Variants in LEFTY2 observed in about 807,000 individuals in gnomAD.
The protein encoded by LEFTY2 is left-right determination factor 2, also known as TGF-beta-4.
LEFTY2 carries 10 observed loss-of-function variants against 26.4 expected under a neutral mutation model. That is an observed-to-expected ratio of 0.38 (90% CI 0.23 to 0.64). The LOEUF (loss-of-function observed/expected upper bound fraction) is 0.64, where lower values mean the gene tolerates loss of function less well. Ranked by LOEUF, LEFTY2 falls within the 30% of genes least tolerant of loss-of-function variation. The pLI, the probability that LEFTY2 is intolerant of heterozygous loss-of-function variation, is 0.56. For missense variants in LEFTY2, 407 were observed against 502.1 expected (o/e 0.81, Z 1.81); for synonymous variants, 204 against 234.1 (o/e 0.87, Z 1.17).
At chr1:225,940,252 A>T (rs1163745839) in intron 1 of LEFTY2, among the ~76,000 whole-genome samples, 2 of 150,460 alleles carry the variant, frequency 1.3e-5, no homozygotes, top group African/African-American at 4.8e-5. Context: ...CAGAATCCTC[A>T]CCCAGGTGCC....
In LEFTY2 at chr1:225,939,689, C is replaced by T. The variant is rs146882318; in HGVS notation, c.497+67G>A. 2 of 1,609,370 alleles carry T rather than the reference C, an allele frequency of 1.2e-6. No homozygotes were observed. The highest frequency in any genetic ancestry group is 1.7e-5 in the Admixed American group (1 of 59,798). The stretch of plus-strand genomic sequence containing the variant: ...CCCGAGGACCCTGCACCGCCCCCTG[C>T]GTCCCCGCCCCCAAGCCGGGCCGAG... On this transcript the variant is annotated intron_variant, in intron 2 of 3. Coordinates refer to ENST00000366820, the MANE Select transcript of LEFTY2 (RefSeq NM_003240.5). This position sits in a 1 kb window ranked among gnomAD's most constrained non-coding sequence, Gnocchi z 4.1.
intron 3 of LEFTY2, 127 bp from the exon 4 acceptor site, chr1:225,937,931 G>A: frequency 1.6e-6 from 2 of 1,241,336 alleles, no homozygotes; most frequent in Non-Finnish European, 2.2e-6. Context: ...TCTAAAAGCT[G>A]GATATTTGTG....
Position 225,937,225 on chromosome 1 carries a change from A to G in LEFTY2, c.*216T>C. 3.0e-6 allele frequency: 2 copies of G among 662,378 alleles called. No homozygotes were observed. Among genetic ancestry groups the G allele is most frequent in the South Asian group, 3.8e-5 (2 of 53,008 alleles). 41.0% of individuals were successfully genotyped at this position (662,378 alleles called of 1,614,324 possible). On this transcript the variant is annotated 3_prime_UTR_variant, in exon 4 of 4. Coordinates refer to ENST00000366820, the MANE Select transcript of LEFTY2 (RefSeq NM_003240.5). Reference sequence around the variant, plus strand: ...TGTAATCAGCATGCCAGCATTTCCTACTAGAGCTCAGCATCTGAGCTGCAT... The same window carrying G: ...TGTAATCAGCATGCCAGCATTTCCTGCTAGAGCTCAGCATCTGAGCTGCAT...
chr1:225,939,812 G>C lies in LEFTY2; in HGVS notation c.441C>G (p.Val147=), dbSNP rs770118660. ...CGTCGTCGCGGACGCGCAGCCACTC[G>C]ACGGTCACCCGGGCCTGGGCGCTGC... ...SPRSAQARVT[V]EWLRVRDDGS... The change falls in exon 2 of 4, where the codon GTC becomes GTG. Residue 147 remains valine, a synonymous_variant. Transcript: ENST00000366820. This position sits in a 1 kb window ranked among gnomAD's most constrained non-coding sequence, Gnocchi z 4.1. 1.9e-6 allele frequency: 3 copies of C among 1,557,188 alleles called. No homozygotes were observed. The Admixed American group carries it at 5.7e-5, about 30-fold the overall frequency.
In LEFTY2 at chr1:225,937,347, A is replaced by T. The variant is rs1008176610; in HGVS notation, c.*94T>A. On this transcript the variant is annotated 3_prime_UTR_variant, in exon 4 of 4. Coordinates refer to ENST00000366820, the MANE Select transcript of LEFTY2 (RefSeq NM_003240.5). Reference sequence around the variant, plus strand: ...GGTCACACAGGAGCACTAAATTGGGATGGAGTAACTTGCTAAGTATAAAGT... The same window carrying T: ...GGTCACACAGGAGCACTAAATTGGGTTGGAGTAACTTGCTAAGTATAAAGT... The T allele has an allele frequency of 6.3e-7, 1 of 1,594,156 alleles. No individual in the cohort carries two copies. Among genetic ancestry groups the T allele is most frequent in the Non-Finnish European group, 8.5e-7 (1 of 1,171,026 alleles).
At chr1:225,940,810 G>A (rs1345841118) in intron 1 of LEFTY2, 81 bp downstream of exon 1, 3 of 1,598,710 alleles carry the variant, frequency 1.9e-6, no homozygotes, top group South Asian at 2.2e-5. Context: ...AAGGCCAGGG[G>A]CCCTTCGACA....
rs138576556 is a variant in LEFTY2 at position 225,940,144 on chromosome 1, T to C, written c.251-142A>G. On this transcript the variant is annotated intron_variant, in intron 1 of 3. Coordinates refer to ENST00000366820, the MANE Select transcript of LEFTY2 (RefSeq NM_003240.5). Reference sequence around the variant, plus strand: ...GGCAAACCCAGTTTACAAATCTTCCTTGGATCTGGGCCTTGTTTAGTAACA... The same window carrying C: ...GGCAAACCCAGTTTACAAATCTTCCCTGGATCTGGGCCTTGTTTAGTAACA... 3.8e-3 allele frequency: 5,113 copies of C among 1,355,968 alleles called. 9 individuals carry two copies. The East Asian group carries it at 0.079, about 21-fold the overall frequency. The allele number at this position is 1,355,968 out of a possible 1,614,324, so 84.0% of individuals were successfully genotyped here.
At chr1:225,938,671 C>T (rs1237533889) in intron 3 of LEFTY2, among the ~76,000 whole-genome samples, 1 of 150,274 alleles carries the variant, frequency 6.7e-6, no homozygotes, top group Non-Finnish European at 1.5e-5. Flanking sequence ...TTTTTTTTGT[C>T]GTTTCTTTAA....
Position 225,941,099 on chromosome 1 carries a change from G to C in LEFTY2, c.42C>G (p.Pro14=). The C allele has an allele frequency of 6.3e-7, 1 of 1,590,714 alleles. No homozygotes were observed. The highest frequency in any genetic ancestry group is 8.6e-7 in the Non-Finnish European group (1 of 1,169,266). ...LWLCWALWVL[P]LAGPGAALTE... is the part of the protein sequence containing the mutation. Reference sequence around the variant, plus strand: ...TCAGGGCCGCCCCGGGGCCAGCCAGGGGCAGCACCCAGAGTGCCCAGCAGA... The same window carrying C: ...TCAGGGCCGCCCCGGGGCCAGCCAGCGGCAGCACCCAGAGTGCCCAGCAGA... Residue 14 remains proline (P), a synonymous_variant, in exon 1 of 4, where the codon CCC becomes CCG. Coordinates refer to ENST00000366820, the MANE Select transcript of LEFTY2 (RefSeq NM_003240.5).
At position 225,939,570 on chromosome 1, in the gene LEFTY2, C is replaced by T; in HGVS notation, c.528G>A (p.Lys176=). 6.2e-7 allele frequency: 1 copy of T among 1,612,398 alleles called. No individual in the cohort carries two copies. The highest frequency in any genetic ancestry group is 8.5e-7 in the Non-Finnish European group (1 of 1,179,832). ...RLVSVHESGW[K]AFDVTEAVNF... ...TCACGGCCTCGGTCACGTCGAAGGC[C>T]TTCCAGCCGCTCTCGTGGACGGACA... Residue 176 remains lysine, a synonymous_variant, in exon 3 of 4, where the codon AAG becomes AAA. Coordinates refer to ENST00000366820, the MANE Select transcript of LEFTY2 (RefSeq NM_003240.5). The surrounding 1 kb of genome is among the most constrained non-coding windows in gnomAD (Gnocchi z 4.1).
Position 225,936,969 on chromosome 1 carries a change from C to T in LEFTY2, c.*472G>A, listed in dbSNP as rs1217473681. 1 of 196,174 alleles carries T rather than the reference C, an allele frequency of 5.1e-6. No homozygotes were observed. The highest frequency in any genetic ancestry group is 1.1e-5 in the Non-Finnish European group (1 of 94,516). 12.2% of individuals were successfully genotyped at this position (196,174 alleles called of 1,614,324 possible). On this transcript the variant is annotated 3_prime_UTR_variant, in exon 4 of 4. Transcript: ENST00000366820. The stretch of plus-strand genomic sequence containing the variant: ...CAGCCTGAAGCCCTTCATCCTTCCT[C>T]TTAGCACCCTCTCAGGGGAACAGGG...
At position 225,937,275 on chromosome 1, in the gene LEFTY2, A is replaced by T; in HGVS notation, c.*166T>A. On this transcript the variant is annotated 3_prime_UTR_variant, in exon 4 of 4. Transcript: ENST00000366820. ...TTATTTACTCACGTAAGTGCTTAGG[A>T]TGGGTGATGGACGGGAAAGACAGGA... 9.4e-7 allele frequency: 1 copy of T among 1,058,580 alleles called. No homozygotes were observed. The highest frequency in any genetic ancestry group is 1.4e-6 in the Non-Finnish European group (1 of 713,502). 65.6% of individuals were successfully genotyped at this position (1,058,580 alleles called of 1,614,324 possible).
intron 1 of LEFTY2, 106 bp downstream of exon 1, chr1:225,940,785 C>T (rs771686336): frequency 5.2e-6 from 8 of 1,551,666 alleles, no homozygotes; most frequent in Non-Finnish European, 7.0e-6. Context: ...CACACAGCCT[C>T]CCACAGAGTC....
At chr1:225,940,406 T>C (rs1292895668) in intron 1 of LEFTY2, among the ~76,000 whole-genome samples, 1 of 152,172 alleles carries the variant, frequency 6.6e-6, no homozygotes, top group East Asian at 1.9e-4. Context: ...CACGCTTCTA[T>C]CCACAAGGAC....
At chr1:225,938,867 T>C (rs1159191128) in intron 3 of LEFTY2, among the ~76,000 whole-genome samples, 23 of 1,990 alleles carry the variant, frequency 0.012, no homozygotes, top group South Asian at 0.071. Context: ...CTTTGTTTCC[T>C]TTTTTTTTTT....
rs1192622801 is a variant in LEFTY2 at position 225,937,011 on chromosome 1, A to C, written c.*430T>G. Reference sequence around the variant, plus strand: ...GGAACAGGGGCCTAGGTATGTTTACAAAAGTCCAGAATGGGTCAGTATTTG... The same window carrying C: ...GGAACAGGGGCCTAGGTATGTTTACCAAAGTCCAGAATGGGTCAGTATTTG... On this transcript the variant is annotated 3_prime_UTR_variant, in exon 4 of 4. Coordinates refer to ENST00000366820, the MANE Select transcript of LEFTY2 (RefSeq NM_003240.5). 2.0e-5 allele frequency: 5 copies of C among 252,308 alleles called. No homozygotes were observed. Among genetic ancestry groups the C allele is most frequent in the Non-Finnish European group, 2.3e-5 (3 of 128,542 alleles). 15.6% of individuals were successfully genotyped at this position (252,308 alleles called of 1,614,324 possible).
Position 225,939,099 on chromosome 1 carries a change from T to C in LEFTY2, c.737+262A>G, listed in dbSNP as rs1178971658. On this transcript the variant is annotated intron_variant, in intron 3 of 3. Coordinates refer to ENST00000366820, the MANE Select transcript of LEFTY2 (RefSeq NM_003240.5). The surrounding 1 kb of genome is among the most constrained non-coding windows in gnomAD (Gnocchi z 4.1). ...GTTGGTCAGGCTGGTCTCAAACTCC[T>C]GATCTTGTGATCCAGCCCGCCTCGG... Among the ~76,000 whole-genome samples, 1 of 152,082 alleles carries C rather than the reference T, an allele frequency of 6.6e-6. No individual in the cohort carries two copies. The highest frequency in any genetic ancestry group is 1.5e-5 in the Non-Finnish European group (1 of 68,018).
rs377316618 is a variant in LEFTY2, at chr1:225,939,618, C to A, written c.498-18G>T. On this transcript the variant is annotated intron_variant, in intron 2 of 3. Transcript: ENST00000366820. This position sits in a 1 kb window ranked among gnomAD's most constrained non-coding sequence, Gnocchi z 4.1. ...ACACCAGCCTGAGACATGATACACA[C>A]GACACGGAGACCCAGCGCCGCTTGA... 1.2e-6 allele frequency: 2 copies of A among 1,612,458 alleles called. No individual in the cohort carries two copies. The highest frequency in any genetic ancestry group is 2.2e-5 in the South Asian group (2 of 91,074).
Position 225,937,790 on chromosome 1 carries a change from C to T in LEFTY2, c.752G>A (p.Cys251Tyr), listed in dbSNP as rs1160011986. The T allele has an allele frequency of 6.2e-7, 1 of 1,611,754 alleles. No homozygotes were observed. Among genetic ancestry groups the T allele is most frequent in the Non-Finnish European group, 8.5e-7 (1 of 1,178,968 alleles). ...DLRDYGAQGD[C>Y]DPEAPMTEGT... Reference sequence around the variant, plus strand: ...CTCGGTCATTGGTGCTTCAGGGTCACAGTCGCCCTGAGCTCTGTGTGGGCA... The same window carrying T: ...CTCGGTCATTGGTGCTTCAGGGTCATAGTCGCCCTGAGCTCTGTGTGGGCA... The change falls in exon 4 of 4, where the codon TGT becomes TAT. Residue 251 changes from cysteine to tyrosine, a missense_variant. By Grantham distance (194) the Cys-to-Tyr change is radical. Transcript: ENST00000366820.
Sources: allele counts gnomAD v4.1 joint callset (sites outside exome capture counted in the v4.1 genomes callset), GRCh38; gene constraint gnomAD v4.1.1; non-coding constraint Gnocchi (gnomAD v3.1); transcripts MANE v1.5; gene names NCBI Gene and HGNC (gene_info 2026-07-23, HGNC 2026-07-21).